Variants in ANK2 observed in about 807,000 individuals in gnomAD.
ANK2 encodes the protein ankyrin-2.
A neutral mutation model predicts 360.5 loss-of-function variants in ANK2; 83 were observed. The ratio of observed to expected loss-of-function variants is 0.23; its 90% confidence interval spans 0.19 to 0.28. The LOEUF (loss-of-function observed/expected upper bound fraction) is 0.28. Among genes scored for constraint, ANK2 ranks in the 10% least tolerant of loss-of-function variants. The pLI is 1.00. For synonymous variants in ANK2, 1,740 were observed against 1,759.5 expected (o/e 0.99, Z 0.28); for missense variants, 4,201 against 4,795.7 (o/e 0.88, Z 3.66).
intron 18 of ANK2, among the ~76,000 whole-genome samples, chr4:113,285,855 C>G (rs1449284299): frequency 6.6e-6 from 1 of 152,210 alleles, no homozygotes; most frequent in East Asian, 1.9e-4. Context: ...TTCCTGAGGC[C>G]TGGCCCTGAG....
At chr4:112,757,465 C>G in the ANK2 span, among the ~76,000 whole-genome samples, 2 of 152,196 alleles carry the variant, frequency 1.3e-5, no homozygotes, top group African/African-American at 4.8e-5. Context: ...TAACAAAAGT[C>G]TACATTGATG....
intron 13 of ANK2, among the ~76,000 whole-genome samples, chr4:113,263,895 G>C (rs1424027456): frequency 1.3e-5 from 2 of 152,154 alleles, no homozygotes; most frequent in African/African-American, 2.4e-5. Flanking sequence ...CTCTCTTAGA[G>C]ACAGTAGAGT....
At chr4:113,279,695 TATAA>T (rs1364981148) in intron 17 of ANK2, among the ~76,000 whole-genome samples, 1 of 148,414 alleles carries the variant, frequency 6.7e-6, no homozygotes, top group African/African-American at 2.4e-5. Flanking sequence ...ATATTTTATA[TATAA>T]ATATATTATA....
At chr4:113,001,951 A>G (rs56991143) in intron 2 of ANK2, among the ~76,000 whole-genome samples, 9,011 of 152,118 alleles carry the variant, frequency 0.059, 895 homozygotes, top group African/African-American at 0.2. Context: ...TCCACATTCA[A>G]TTATCTAATG....
At chr4:113,259,768 A>G (rs2051548241) in intron 13 of ANK2, among the ~76,000 whole-genome samples, 1 of 148,454 alleles carries the variant, frequency 6.7e-6, no homozygotes, top group Non-Finnish European at 1.5e-5. Context: ...AAAAGTAATC[A>G]TCATCCCCCC....
intron 4 of ANK2, among the ~76,000 whole-genome samples, chr4:113,208,534 ACT>A (rs201368179): frequency 0.022 from 3,283 of 151,938 alleles, 53 homozygotes; most frequent in Non-Finnish European, 0.031. Flanking sequence ...ATGGAATCTC[ACT>A]CTGTCACCCA....
intron 2 of ANK2, among the ~76,000 whole-genome samples, chr4:112,969,995 T>A (rs558131728): frequency 5.3e-5 from 8 of 152,228 alleles, no homozygotes; most frequent in East Asian, 1.9e-4. Flanking sequence ...TATTATTTTT[T>A]TTTTTTGAGA....
intron 1 of ANK2, among the ~76,000 whole-genome samples, chr4:113,050,297 T>C (rs2066359595): frequency 6.6e-6 from 1 of 152,202 alleles, no homozygotes; most frequent in South Asian, 2.1e-4. Context: ...AAAAGACTGC[T>C]GTGACAGGAG....
chr4:112,854,553 G>A (rs1304890594), intron 1 of ANK2, among the ~76,000 whole-genome samples: 1 of 152,092 alleles, frequency 6.6e-6, no homozygotes, highest in Admixed American at 6.6e-5. Flanking sequence ...AGAGATGAGG[G>A]CTGGTACTGT....
intron 18 of ANK2, among the ~76,000 whole-genome samples, chr4:113,284,043 C>G (rs1258165241): frequency 6.6e-6 from 1 of 152,208 alleles, no homozygotes; most frequent in African/African-American, 2.4e-5. Flanking sequence ...CCCTTACGTA[C>G]TTCTCTGGCC....
the ANK2 span, among the ~76,000 whole-genome samples, chr4:112,786,253 A>AG: frequency 6.6e-6 from 1 of 152,160 alleles, no homozygotes; most frequent in African/African-American, 2.4e-5. Context: ...AAAGTAAAAA[A>AG]AAAAAAAACT....
chr4:112,983,864 G>A (rs903611891), intron 2 of ANK2, among the ~76,000 whole-genome samples: 1 of 152,032 alleles, frequency 6.6e-6, no homozygotes, highest in African/African-American at 2.4e-5. Flanking sequence ...TACATGATTT[G>A]GTAGAAACTT....
chr4:113,184,264 T>C (rs913539356), intron 2 of ANK2, among the ~76,000 whole-genome samples: 6 of 151,190 alleles, frequency 4.0e-5, no homozygotes. Flanking sequence ...GAAAAGGAGG[T>C]ATACAGAAGT....
At chr4:112,712,411 T>TTA in the ANK2 span, among the ~76,000 whole-genome samples, 4 of 124,614 alleles carry the variant, frequency 3.2e-5, no homozygotes, top group Non-Finnish European at 6.9e-5. Context: ...TATATATTTT[T>TTA]TTTTTTTTTT....
intron 45 of ANK2, among the ~76,000 whole-genome samples, chr4:113,379,363 C>A (rs942516022): frequency 1.3e-5 from 2 of 152,140 alleles, no homozygotes; most frequent in African/African-American, 2.4e-5. Context: ...ATAGAGTTTC[C>A]ACAGCTAGTT....
At chr4:113,301,831 C>T (rs1182732330) in intron 22 of ANK2, among the ~76,000 whole-genome samples, 1 of 152,138 alleles carries the variant, frequency 6.6e-6, no homozygotes, top group Non-Finnish European at 1.5e-5. Context: ...TCAGAATTTT[C>T]CTTGAGTGCA....
intron 2 of ANK2, among the ~76,000 whole-genome samples, chr4:112,965,825 G>A (rs957165268): frequency 6.6e-5 from 10 of 151,810 alleles, no homozygotes; most frequent in South Asian, 2.1e-4. Context: ...ATGATATTTC[G>A]AATCACATTC....
the ANK2 span, among the ~76,000 whole-genome samples, chr4:112,747,677 C>A: frequency 6.6e-6 from 1 of 152,108 alleles, no homozygotes; most frequent in South Asian, 2.1e-4. Context: ...TGGTGGTTCT[C>A]TAATTTCTGG....
chr4:112,999,676 C>G (rs552775268), intron 2 of ANK2, among the ~76,000 whole-genome samples: 143 of 150,574 alleles, frequency 9.5e-4, no homozygotes, highest in Non-Finnish European at 1.7e-3. Flanking sequence ...AAAAAAGCAA[C>G]AAAAAAACCC....
Sources: gnomAD v4.1 joint callset for allele counts (sites outside exome capture counted in the v4.1 genomes callset) on GRCh38, gnomAD v4.1.1 for gene constraint, MANE v1.5 for transcripts, NCBI Gene and HGNC (gene_info 2026-07-23, HGNC 2026-07-21) for gene names.